Variants in TESPA1 observed in about 807,000 individuals in gnomAD.
TESPA1 encodes the protein protein TESPA1.
In TESPA1, 33 loss-of-function variants were observed where a neutral mutation model predicts 57.9. That is an observed-to-expected ratio of 0.57 (90% CI 0.43 to 0.76). The LOEUF is 0.76. Among genes scored for constraint, TESPA1 ranks in the 30% least tolerant of loss-of-function variants. TESPA1 has a pLI of 0.00. For synonymous variants in TESPA1, 227 were observed against 228.9 expected (o/e 0.99, Z 0.07); for missense variants, 618 against 632.9 (o/e 0.98, Z 0.25).
At chr12:54,959,430 C>T in intron 10 of TESPA1, among the ~76,000 whole-genome samples, 1 of 152,196 alleles carries the variant, frequency 6.6e-6, no homozygotes, top group Non-Finnish European at 1.5e-5. Context: ...GCGGGAAACA[C>T]TAGGGGATTT....
At chr12:54,979,380 T>C (rs1952235629) in intron 1 of TESPA1, among the ~76,000 whole-genome samples, 1 of 152,198 alleles carries the variant, frequency 6.6e-6, no homozygotes, top group African/African-American at 2.4e-5. Context: ...GTTCTCCAAT[T>C]TTCCCATGAA....
intron 10 of TESPA1, among the ~76,000 whole-genome samples, chr12:54,953,569 G>A (rs1565818755): frequency 7.1e-6 from 1 of 140,858 alleles, no homozygotes; most frequent in Non-Finnish European, 1.5e-5. Flanking sequence ...CCACGCTAGA[G>A]TGCAGTGGCA....
In TESPA1 at chr12:54,973,389, C is replaced by T. The variant is rs769598212; in HGVS notation, c.206+88G>A. ...ATCTTTAGGCCCAAATCAAATCCAT[C>T]TTCCCGTCTCTGAGTTTCCAGGAGT... is the stretch of plus-strand genomic sequence containing the variant. On this transcript the variant is annotated intron_variant, in intron 3 of 10. Coordinates refer to ENST00000449076, the MANE Select transcript of TESPA1 (RefSeq NM_001136030.3). 713 of 1,577,488 alleles carry T rather than the reference C, an allele frequency of 4.5e-4. 2 individuals carry two copies. The highest frequency in any genetic ancestry group is 6.0e-4 in the Non-Finnish European group (686 of 1,147,476).
chr12:54,954,026 A>G (rs1482272850), intron 10 of TESPA1, among the ~76,000 whole-genome samples: 1 of 152,222 alleles, frequency 6.6e-6, no homozygotes, highest in Non-Finnish European at 1.5e-5. Flanking sequence ...TGGTGACTTT[A>G]TAAGAAGGCA....
At position 54,962,971 on chromosome 12, in the gene TESPA1, C is replaced by T. The variant is rs1201515525; in HGVS notation, c.927G>A (p.Arg309=). 1.2e-6 allele frequency: 2 copies of T among 1,613,442 alleles called. No individual in the cohort carries two copies. Among genetic ancestry groups the T allele is most frequent in the African/African-American group, 2.7e-5 (2 of 74,752 alleles). ...CCAACACAACTTGGTCCAAACTGTT[C>T]CTTTTGGGGGTGTTGTGGGGTGGTG... ...RPPPPHNTPK[R]NSLDQVVLEV... The change falls in exon 9 of 11, where the codon AGG becomes AGA. Residue 309 remains arginine, a synonymous_variant. Transcript: ENST00000449076.
In TESPA1 at chr12:54,954,467, T is replaced by C. The variant is rs181347939; in HGVS notation, c.*2-4077A>G. On this transcript the variant is annotated intron_variant, in intron 10 of 10. Coordinates refer to ENST00000449076, the MANE Select transcript of TESPA1 (RefSeq NM_001136030.3). ...AAAGATAATCTTTATCTGCATTGCT[T>C]AATCCCCATTTTCTAAGTTGTAGTT... Among the ~76,000 whole-genome samples the C allele has an allele frequency of 3.3e-3, 502 of 152,362 alleles. 3 individuals carry two copies. Among genetic ancestry groups the C allele is most frequent in the African/African-American group, 0.012 (480 of 41,582 alleles).
At chr12:54,963,708 G>A in intron 8 of TESPA1, 34 bp downstream of exon 8, 2 of 1,587,776 alleles carry the variant, frequency 1.3e-6, no homozygotes, top group South Asian at 2.3e-5. Context: ...AAAGGAAAAG[G>A]GAAGTAGAGC....
At chr12:54,969,863 C>T (rs1951718370) in intron 3 of TESPA1, among the ~76,000 whole-genome samples, 1 of 152,164 alleles carries the variant, frequency 6.6e-6, no homozygotes, top group African/African-American at 2.4e-5. Flanking sequence ...GCTGGTGATG[C>T]TCTGCTTTAG....
At chr12:54,959,229 G>A (rs534420002) in intron 10 of TESPA1, among the ~76,000 whole-genome samples, 3 of 152,140 alleles carry the variant, frequency 2.0e-5, no homozygotes, top group Non-Finnish European at 4.4e-5. Flanking sequence ...CATCCTCTCT[G>A]TCCCCTTTAA....
At chr12:54,961,075 A>T in intron 10 of TESPA1, 93 bp downstream of exon 10, 2 of 1,359,662 alleles carry the variant, frequency 1.5e-6, no homozygotes, top group Non-Finnish European at 2.1e-6. Context: ...AGAATGTGGG[A>T]CCCTTTATTA....
At chr12:54,976,634 T>A (rs1952148929) in intron 1 of TESPA1, among the ~76,000 whole-genome samples, 1 of 152,204 alleles carries the variant, frequency 6.6e-6, no homozygotes, top group Admixed American at 6.5e-5. Flanking sequence ...GAAAATTTCA[T>A]CCTTTTATTG....
At chr12:54,962,007 C>T (rs1167425747) in intron 9 of TESPA1, among the ~76,000 whole-genome samples, 1 of 152,178 alleles carries the variant, frequency 6.6e-6, no homozygotes, top group Non-Finnish European at 1.5e-5. Context: ...CACAGAAGTC[C>T]TAACAGTCTG....
intron 8 of TESPA1, 45 bp from the exon 9 acceptor site, chr12:54,963,287 A>G: frequency 6.6e-7 from 1 of 1,525,952 alleles, no homozygotes; most frequent in Non-Finnish European, 8.8e-7. Flanking sequence ...TTCATCAGCA[A>G]ATCTTCTTAA....
intron 10 of TESPA1, among the ~76,000 whole-genome samples, chr12:54,956,916 G>A (rs558268112): frequency 1.1e-4 from 16 of 152,170 alleles, no homozygotes; most frequent in African/African-American, 2.6e-4. Flanking sequence ...TTGAGATAAC[G>A]AATCCTCTCC....
intron 8 of TESPA1, 150 bp downstream of exon 8, chr12:54,963,592 T>C: frequency 1.1e-6 from 1 of 907,042 alleles, no homozygotes; most frequent in South Asian, 1.8e-5. Context: ...GAGTTCTCCA[T>C]CTTCACTGAA....
In TESPA1 at chr12:54,962,892, A is replaced by G. The variant is rs1348939951; in HGVS notation, c.1006T>C (p.Leu336=). 6.2e-7 allele frequency: 1 copy of G among 1,613,752 alleles called. No individual in the cohort carries two copies. The change falls in exon 9 of 11, where the codon TTG becomes CTG. Residue 336 remains leucine, a synonymous_variant. Transcript: ENST00000449076. ...EKQFLQQDSD[L]GQFSQEDPVP... ...GGATCTTCCTGTGAGAATTGCCCCA[A>G]ATCAGAGTCTTGCTGGAGGAACTGC...
chr12:54,973,830 G>A (rs1952000561), intron 2 of TESPA1: 1 of 1,129,130 alleles, frequency 8.9e-7, no homozygotes, highest in South Asian at 3.6e-5. Context: ...AAAAGAAAAA[G>A]AAAAAGAAAG....
rs1041958667 is a variant in TESPA1, at chr12:54,948,496, G to C, written c.*1896C>G. On this transcript the variant is annotated 3_prime_UTR_variant, in exon 11 of 11. Transcript: ENST00000449076. ...TAATCGTTTAGCACCATCTCCCCTT[G>C]GTACTGTATAATGAGTGAGTTCTTA... 1 of 153,062 alleles carries C rather than the reference G, an allele frequency of 6.5e-6. No individual in the cohort carries two copies. The highest frequency in any genetic ancestry group is 1.5e-5 in the Non-Finnish European group (1 of 68,760). The allele number at this position is 153,062 out of a possible 1,614,324, so 9.5% of individuals were successfully genotyped here. A position where few individuals can be genotyped will look rare whatever the true frequency, so the allele number is the denominator to read the frequency against.
intron 10 of TESPA1, among the ~76,000 whole-genome samples, chr12:54,957,569 A>G (rs913182488): frequency 6.6e-6 from 1 of 152,172 alleles, no homozygotes; most frequent in African/African-American, 2.4e-5. Flanking sequence ...AGAGGAGTGG[A>G]TTGAGAGAAA....
Sources: allele counts gnomAD v4.1 joint callset (sites outside exome capture counted in the v4.1 genomes callset), GRCh38; gene constraint gnomAD v4.1.1; transcripts MANE v1.5; gene names NCBI Gene and HGNC (gene_info 2026-07-23, HGNC 2026-07-21).